Variants in USP9X observed in about 807,000 individuals in gnomAD.
The protein encoded by USP9X is ubiquitin specific peptidase 9 X-linked.
USP9X carries 7 observed loss-of-function variants against 190.3 expected under a neutral mutation model. The ratio of observed to expected loss-of-function variants is 0.04; its 90% CI spans 0.02 to 0.07. The LOEUF is 0.07. USP9X is among the 10% of genes least tolerant of loss of function. The probability of loss-of-function intolerance (pLI) is 1.00; values close to 1 mark genes in which losing one functional copy is unlikely to be tolerated. For missense variants in USP9X, 1,010 were observed against 1,916.9 expected, an observed-to-expected ratio of 0.53 and a Z score of 8.83; for synonymous variants, 645 against 659.5, an observed-to-expected ratio of 0.98 and a Z score of 0.34.
chrX:41,125,485 T>C (rs1187947860), intron 2 of USP9X, among the ~76,000 whole-genome samples: 1 of 108,661 alleles, frequency 9.2e-6, no homozygotes, highest in African/African-American at 3.4e-5. Context: ...AAATTTGAGG[T>C]AAAGTTGTTA....
intron 1 of USP9X, among the ~76,000 whole-genome samples, chrX:41,107,120 G>T (rs959560957): frequency 9.2e-6 from 1 of 109,132 alleles, no homozygotes; most frequent in African/African-American, 3.3e-5. Flanking sequence ...TCCTGACCTC[G>T]TGATCCACCC....
chrX:41,159,091 A>G (rs1262879061), intron 14 of USP9X, among the ~76,000 whole-genome samples: 1 of 111,641 alleles, frequency 9.0e-6, no homozygotes, highest in Non-Finnish European at 1.9e-5. Context: ...AGCCAGGATA[A>G]CTAGGCAAGA....
chrX:41,138,587 C>G (rs2062396588), intron 6 of USP9X, among the ~76,000 whole-genome samples: 1 of 112,022 alleles, frequency 8.9e-6, no homozygotes, highest in East Asian at 2.8e-4. Context: ...TCTACACCTC[C>G]TACCCTCCTG....
chrX:41,228,761 T>TC (rs1328788234), intron 41 of USP9X, among the ~76,000 whole-genome samples: 1 of 112,400 alleles, frequency 8.9e-6, no homozygotes, highest in East Asian at 2.8e-4. Flanking sequence ...GTCACACTGC[T>TC]CCGCAGCTAT....
chrX:41,159,129 A>G (rs2062605620), intron 14 of USP9X, among the ~76,000 whole-genome samples: 1 of 111,956 alleles, frequency 8.9e-6, no homozygotes. Context: ...CAATTAAGAA[A>G]TGGATGCAAA....
intron 1 of USP9X, among the ~76,000 whole-genome samples, chrX:41,102,823 T>C (rs2062044113): frequency 9.1e-6 from 1 of 109,345 alleles, no homozygotes; most frequent in African/African-American, 3.3e-5. Flanking sequence ...GACGGAGTCT[T>C]GCTCTCTCAC....
At chrX:41,130,292 T>G (rs2062297512) in intron 3 of USP9X, among the ~76,000 whole-genome samples, 1 of 110,554 alleles carries the variant, frequency 9.0e-6, no homozygotes, top group Non-Finnish European at 1.9e-5. Context: ...TATTTAATAG[T>G]GGTCCCTGAC....
intron 21 of USP9X, among the ~76,000 whole-genome samples, chrX:41,181,435 CTTTTTTTTTTTTTTTTTTTTTTT>C (rs200403625): frequency 0.36 from 14,064 of 38,762 alleles, 1,077 homozygotes; most frequent in South Asian, 0.53. Context: ...CCACACCTGA[CTTTTTTTTTTTTTTTTTTTTTTT>C]TTTTTTGAGA....
At chrX:41,170,418 T>C (rs926846490) in intron 19 of USP9X, 52 bp from the exon 20 acceptor site, 5 of 1,175,883 alleles carry the variant, frequency 4.3e-6, no homozygotes, top group Non-Finnish European at 5.7e-6. Flanking sequence ...TTTTGTGTTT[T>C]GTGTAAGTAT....
rs116370539 is a variant in USP9X at position 41,115,325 on chromosome X, T to C, written c.-158-8146T>C. Among the ~76,000 whole-genome samples, 767 of 111,254 alleles carry C rather than the reference T, an allele frequency of 6.9e-3. 4 individuals are homozygous for C. The highest frequency in any genetic ancestry group is 0.023 in the African/African-American group (701 of 30,620). ...TTGTGTTGTACAGTTAGGTCTCTTG[T>C]CTCTAGTGAGTCAAATATTTTAATG... On this transcript the variant is annotated intron_variant, in intron 1 of 44. Transcript: ENST00000378308.
intron 33 of USP9X, among the ~76,000 whole-genome samples, chrX:41,211,504 T>C (rs1341525264): frequency 7.0e-5 from 8 of 113,598 alleles, no homozygotes; most frequent in African/African-American, 2.6e-4. Context: ...ATTATTGTCA[T>C]TATCTTTAAG....
chrX:41,133,527 A>T (rs2062342851), intron 4 of USP9X, among the ~76,000 whole-genome samples: 1 of 111,862 alleles, frequency 8.9e-6, no homozygotes, highest in South Asian at 3.7e-4. Flanking sequence ...TAGTTATTTT[A>T]AAATGTACAA....
Position 41,197,352 on chromosome X carries a change from C to CCCCCGGGGGGGGGGGGGGGG in USP9X, c.4234-12_4234-11insCCCCGGGGGGGGGGGGGGGG. ...TTCTTCCCCCCCCCACCCCACCCCC[C>CCCCCGGGGGGGGGGGGGGGG]GCCTTTGGCAGGATGATGTTAAAAG... On this transcript the variant is annotated splice_polypyrimidine_tract_variant and intron_variant, in intron 28 of 44. Transcript: ENST00000378308. 1 of 988,230 alleles carries CCCCCGGGGGGGGGGGGGGGG rather than the reference C, an allele frequency of 1.0e-6. No individual in the cohort carries two copies. The highest frequency in any genetic ancestry group is 1.3e-6 in the Non-Finnish European group (1 of 759,397). The allele number at this position is 988,230 out of a possible 1,213,427, so 81.4% of individuals were successfully genotyped here. A position where few individuals can be genotyped will look rare whatever the true frequency, so the allele number is the denominator to read the frequency against.
At chrX:41,161,635 CTTTTTTTTTTTTT>C (rs759623425) in intron 14 of USP9X, among the ~76,000 whole-genome samples, 2 of 47,425 alleles carry the variant, frequency 4.2e-5, no homozygotes, top group Non-Finnish European at 6.9e-5. Flanking sequence ...GGCGCCCTGC[CTTTTTTTTTTTTT>C]TTTTTTTTTT....
intron 26 of USP9X, among the ~76,000 whole-genome samples, chrX:41,191,880 C>T (rs2062938707): frequency 9.0e-6 from 1 of 111,724 alleles, no homozygotes; most frequent in Non-Finnish European, 1.9e-5. Context: ...CATGTTTGGG[C>T]AGGATTTATA....
At chrX:41,105,030 C>G (rs1004258060) in intron 1 of USP9X, among the ~76,000 whole-genome samples, 2 of 111,122 alleles carry the variant, frequency 1.8e-5, no homozygotes, top group Non-Finnish European at 3.8e-5. Context: ...TTTTGAAGAT[C>G]CTAAATTTCT....
intron 14 of USP9X, 105 bp downstream of exon 14, chrX:41,153,186 A>G (rs1209191426): frequency 3.5e-6 from 3 of 857,117 alleles, no homozygotes; most frequent in Non-Finnish European, 3.2e-6. Context: ...TTTAAGATCC[A>G]CTATTACTCC....
intron 32 of USP9X, among the ~76,000 whole-genome samples, chrX:41,209,476 C>T (rs754799541): frequency 1.0e-3 from 115 of 111,196 alleles, no homozygotes; most frequent in Admixed American, 2.1e-3. Context: ...TCTCACTGCA[C>T]TGTATTGGGA....
rs1426554399 is a variant in USP9X at position 41,198,167 on chromosome X, A to G, written c.4381-361A>G. ...ATATCTTTAATGAGTTTTTTCATAC[A>G]TGTAGTAACACAAGGAAACAAAGTT... is the stretch of plus-strand genomic sequence containing the variant. On this transcript the variant is annotated intron_variant, in intron 29 of 44. Coordinates refer to ENST00000378308, the MANE Select transcript of USP9X (RefSeq NM_001039591.3). Among the ~76,000 whole-genome samples, 13 of 112,443 alleles carry G rather than the reference A, an allele frequency of 1.2e-4. No individual in the cohort carries two copies. The Admixed American group carries it at 1.2e-3, about 11-fold the overall frequency.
Sources: gnomAD v4.1 joint callset for allele counts (sites outside exome capture counted in the v4.1 genomes callset) on GRCh38, gnomAD v4.1.1 for gene constraint, MANE v1.5 for transcripts, NCBI Gene and HGNC (gene_info 2026-07-23, HGNC 2026-07-21) for gene names.